Variants in RYR2 observed in about 807,000 individuals in gnomAD.
The protein encoded by RYR2 is ryanodine receptor 2.
A neutral mutation model predicts 601.1 loss-of-function variants in RYR2; 227 were observed. The observed-to-expected ratio is 0.38, with a 90% CI of 0.34 to 0.42. The LOEUF is 0.42. Ranked by LOEUF, RYR2 falls within the 10% of genes least tolerant of loss-of-function variation. RYR2 has a pLI of 1.00. For synonymous variants in RYR2, 2,223 were observed against 2,175.1 expected (o/e 1.02, Z -0.61); for missense variants, 4,646 against 6,156.5 (o/e 0.75, Z 8.21).
At chr1:237,202,348 A>G (rs10925341) in intron 1 of RYR2, among the ~76,000 whole-genome samples, 70,211 of 151,954 alleles carry the variant, frequency 0.46, 16,381 homozygotes, top group East Asian at 0.55. Context: ...ATGGTCACTT[A>G]GCAAAATCTC....
rs574284601 is a variant in RYR2 at position 237,536,818 on chromosome 1, G to A, written c.2906+6308G>A. On this transcript the variant is annotated intron_variant, in intron 25 of 104. Coordinates refer to ENST00000366574, the MANE Select transcript of RYR2 (RefSeq NM_001035.3). ...GGAGAATGGCGTGAACCCGGGAGGC[G>A]GAGCTTGCAGTGAGCCGAGATCGCG... Among the ~76,000 whole-genome samples, 11 of 151,128 alleles carry A rather than the reference G, an allele frequency of 7.3e-5. No homozygotes were observed. The South Asian group carries it at 1.5e-3, about 20-fold the overall frequency.
chr1:237,059,292 G>A (rs1162766201), intron 1 of RYR2, among the ~76,000 whole-genome samples: 3 of 152,248 alleles, frequency 2.0e-5, no homozygotes, highest in Non-Finnish European at 4.4e-5. Context: ...GCCATCTAAC[G>A]TGAATAATGG....
chr1:237,483,158 A>G (rs896939095), intron 17 of RYR2, among the ~76,000 whole-genome samples: 4 of 152,130 alleles, frequency 2.6e-5, no homozygotes, highest in Non-Finnish European at 4.4e-5. Context: ...ATGCTGATTC[A>G]TAGATATCTC....
intron 10 of RYR2, among the ~76,000 whole-genome samples, chr1:237,402,047 T>TA (rs1157957762): frequency 1.3e-5 from 2 of 152,154 alleles, no homozygotes; most frequent in Non-Finnish European, 2.9e-5. Flanking sequence ...ATATACATAG[T>TA]ACTGAAAAAG....
chr1:237,065,911 A>C (rs967070123), intron 1 of RYR2, among the ~76,000 whole-genome samples: 1 of 152,168 alleles, frequency 6.6e-6, no homozygotes, highest in Non-Finnish European at 1.5e-5. Context: ...AAGGTGCTGC[A>C]CACTTTTAAA....
At chr1:237,788,701 G>A (rs1657958556) in intron 92 of RYR2, among the ~76,000 whole-genome samples, 1 of 152,110 alleles carries the variant, frequency 6.6e-6, no homozygotes, top group African/African-American at 2.4e-5. Context: ...ATTCAAAATT[G>A]TTCTTTAAGA....
intron 10 of RYR2, among the ~76,000 whole-genome samples, chr1:237,402,141 C>G (rs1033747718): frequency 5.3e-5 from 8 of 151,834 alleles, no homozygotes; most frequent in African/African-American, 1.7e-4. Context: ...TTTCTATAAT[C>G]TCAACACTTT....
At chr1:237,719,597 C>T (rs1168314017) in intron 73 of RYR2, among the ~76,000 whole-genome samples, 1 of 152,114 alleles carries the variant, frequency 6.6e-6, no homozygotes, top group Non-Finnish European at 1.5e-5. Flanking sequence ...TTGAGGGCAG[C>T]ACCAAGGGGA....
intron 101 of RYR2, among the ~76,000 whole-genome samples, chr1:237,822,472 C>T (rs1274039503): frequency 6.6e-6 from 1 of 151,660 alleles, no homozygotes; most frequent in Non-Finnish European, 1.5e-5. Flanking sequence ...TACAGACAAG[C>T]AAATGCTGAG....
intron 58 of RYR2, among the ~76,000 whole-genome samples, chr1:237,672,229 T>C (rs1392420312): frequency 6.6e-6 from 1 of 152,210 alleles, no homozygotes; most frequent in Non-Finnish European, 1.5e-5. Context: ...AGTTAGTGGG[T>C]ACTTTGCATT....
rs181929699 is a variant in RYR2, at chr1:237,235,073, C to G, written c.49-35424C>G. Among the ~76,000 whole-genome samples, 5 of 152,326 alleles carry G rather than the reference C, an allele frequency of 3.3e-5. No individual in the cohort carries two copies. In the East Asian group the frequency reaches 9.6e-4, roughly 29 times the overall value. On this transcript the variant is annotated intron_variant, in intron 1 of 104. Transcript: ENST00000366574. ...TTCAGAAGCCCAGGCCTCTTCTCCA[C>G]ACTTCTGACTGATTGTTGAAGGAGT...
chr1:237,092,871 G>C (rs757459187), intron 1 of RYR2, among the ~76,000 whole-genome samples: 2 of 152,096 alleles, frequency 1.3e-5, no homozygotes, highest in Admixed American at 6.5e-5. Context: ...AATTCAACTT[G>C]CTTCCTTCAC....
At chr1:237,494,257 T>G (rs1482135384) in intron 19 of RYR2, among the ~76,000 whole-genome samples, 2 of 152,030 alleles carry the variant, frequency 1.3e-5, no homozygotes, top group Non-Finnish European at 2.9e-5. Context: ...AGGCCAGAAG[T>G]GCAGCCTTCA....
intron 84 of RYR2, among the ~76,000 whole-genome samples, chr1:237,766,617 T>G (rs1249627922): frequency 1.3e-5 from 2 of 152,184 alleles, no homozygotes; most frequent in African/African-American, 4.8e-5. Flanking sequence ...TCAGTAAGGA[T>G]GCTGATGAAT....
At chr1:237,751,543 A>G (rs1692535495) in intron 80 of RYR2, among the ~76,000 whole-genome samples, 1 of 152,236 alleles carries the variant, frequency 6.6e-6, no homozygotes, top group Admixed American at 6.5e-5. Flanking sequence ...AGTTCTAAAT[A>G]TGCTGTATCC....
At chr1:237,539,444 A>G (rs1669018091) in intron 25 of RYR2, among the ~76,000 whole-genome samples, 1 of 152,202 alleles carries the variant, frequency 6.6e-6, no homozygotes. Context: ...TCTCTTTTGC[A>G]TATATTTTAG....
chr1:237,263,987 C>T lies in RYR2; in HGVS notation c.49-6510C>T, dbSNP rs149727147. ...ATAGGGGCTGCTATTTTAGATAGGGCGACCGTGGAAGTGGTTTTCTGTGTG... is the reference window on the plus strand; with the variant it reads ...ATAGGGGCTGCTATTTTAGATAGGGTGACCGTGGAAGTGGTTTTCTGTGTG... On this transcript the variant is annotated intron_variant, in intron 1 of 104. Transcript: ENST00000366574. Among the ~76,000 whole-genome samples, 290 of 152,036 alleles carry T rather than the reference C, an allele frequency of 1.9e-3. 1 individual carries two copies. The highest frequency in any genetic ancestry group is 6.6e-3 in the African/African-American group (275 of 41,476).
At chr1:237,814,909 T>C (rs1190944454) in intron 100 of RYR2, among the ~76,000 whole-genome samples, 3 of 152,044 alleles carry the variant, frequency 2.0e-5, no homozygotes, top group African/African-American at 7.2e-5. Flanking sequence ...ACTTAATTGT[T>C]GTCACTTACT....
intron 38 of RYR2, among the ~76,000 whole-genome samples, chr1:237,618,975 C>T (rs1197352611): frequency 6.6e-6 from 1 of 152,132 alleles, no homozygotes; most frequent in Non-Finnish European, 1.5e-5. Context: ...CCCTTCCCTC[C>T]TCCAGATGTC....
Sources: allele counts gnomAD v4.1 joint callset (sites outside exome capture counted in the v4.1 genomes callset), GRCh38; gene constraint gnomAD v4.1.1; transcripts MANE v1.5; gene names NCBI Gene and HGNC (gene_info 2026-07-23, HGNC 2026-07-21).